NBPF14: variants seen among roughly 807,000 people sequenced by gnomAD.
NBPF14 encodes NBPF member 14, also known as NBPF family member NBPF14.
A neutral mutation model predicts 91.2 loss-of-function variants in NBPF14; 104 were observed. The observed-to-expected ratio is 1.14, with a 90% CI of 0.97 to 1.34. The LOEUF is 1.34. Among genes scored for constraint, NBPF14 ranks in the 40% most tolerant of loss-of-function variants. NBPF14 has a pLI of 0.00. For missense variants in NBPF14, 908 were observed against 783.0 expected (o/e 1.16, Z -1.91); for synonymous variants, 294 against 303.8 (o/e 0.97, Z 0.34).
intron 2 of NBPF14, among the ~76,000 whole-genome samples, chr1:148,593,999 G>A (rs1334545201): frequency 2.0e-5 from 3 of 148,906 alleles, no homozygotes; most frequent in African/African-American, 2.4e-5. Flanking sequence ...CTGAATGTGG[G>A]GCCACTTTCC....
intron 36 of NBPF14, among the ~76,000 whole-genome samples, chr1:148,560,255 T>C (rs1657579157): frequency 2.7e-5 from 4 of 148,102 alleles, no homozygotes; most frequent in African/African-American, 1.0e-4. Flanking sequence ...CAAAGGACAC[T>C]CTGAGTTAGT....
chr1:148,560,263 A>T (rs1657583312), intron 36 of NBPF14, among the ~76,000 whole-genome samples: 1 of 146,552 alleles, frequency 6.8e-6, no homozygotes, highest in African/African-American at 2.6e-5. Flanking sequence ...ACTCTGAGTT[A>T]GTGCCCTCAT....
chr1:148,534,547 T>C (rs1228862355), intron 69 of NBPF14, 137 bp downstream of exon 69: 7 of 714,304 alleles, frequency 9.8e-6, no homozygotes, highest in African/African-American at 5.3e-5. Context: ...ACAGTTTCAT[T>C]ACAACCTATA....
intron 34 of NBPF14, among the ~76,000 whole-genome samples, chr1:148,562,008 T>C (rs1376083904): frequency 1.3e-5 from 1 of 75,166 alleles, no homozygotes; most frequent in Admixed American, 1.3e-4. Context: ...ACCATGAGAA[T>C]ACAGTTTTTG....
exon 71 of NBPF14, chr1:148,533,215 A>T (rs1383683017): frequency 1.5e-6 from 1 of 686,228 alleles, no homozygotes; most frequent in East Asian, 2.8e-5. Flanking sequence ...GTAAGACTTC[A>T]CGCTCTTCCA....
chr1:148,569,140 G>C lies in NBPF14; in HGVS notation c.3265+115C>G, dbSNP rs1658866031. ...TTCACTCAACCTACATGTGCCTATA[G>C]TTCCTCCCTGTGGCAATGACACCTC... On this transcript the variant is annotated intron_variant, in intron 25 of 70. Coordinates refer to ENST00000619423, the Ensembl canonical transcript of NBPF14. The C allele has an allele frequency of 2.7e-5, 6 of 219,382 alleles. 2 individuals carry two copies. The highest frequency in any genetic ancestry group is 4.3e-5 in the South Asian group (1 of 23,132). The allele number at this position is 219,382 out of a possible 1,614,324, so 13.6% of individuals were successfully genotyped here.
chr1:148,592,666 G>T lies in NBPF14; in HGVS notation c.379C>A (p.Leu127Ile). The change falls in exon 4 of 71, where the codon CTC (leucine) becomes ATC (isoleucine). Residue 127 changes from leucine (L) to isoleucine (I), a missense_variant. Leu to Ile is a conservative substitution (Grantham distance 5). Around this residue, in one of 13 missense-constraint regions of NBPF14, gnomAD observed 61 missense variants for 56.4 expected, o/e 1.08. Coordinates refer to ENST00000619423, the Ensembl canonical transcript of NBPF14. ...TCATACGGAGTGAGGAGGGCCTGGAGATGCTCATACAATGAGCGGGAGGCA... is the reference window on the plus strand; with the variant it reads ...TCATACGGAGTGAGGAGGGCCTGGATATGCTCATACAATGAGCGGGAGGCA... 4 of 1,588,258 alleles carry T rather than the reference G, an allele frequency of 2.5e-6. No individual in the cohort carries two copies. In the South Asian group the frequency reaches 4.5e-5, roughly 18 times the overall value.
chr1:148,535,223 G>C (rs1184320908), intron 68 of NBPF14, among the ~76,000 whole-genome samples: 120 of 150,132 alleles, frequency 8.0e-4, no homozygotes, highest in African/African-American at 2.9e-3. Flanking sequence ...ATTCCATACA[G>C]TTGCCATACA....
chr1:148,559,597 A>G (rs1657299385), intron 37 of NBPF14, among the ~76,000 whole-genome samples, 196 bp downstream of exon 37: 1 of 124,166 alleles, frequency 8.1e-6, no homozygotes, highest in Non-Finnish European at 1.5e-5. Context: ...GAGACTAGGA[A>G]GAGAGCCTTG....
chr1:148,566,444 C>A (rs1159231393), intron 28 of NBPF14, 129 bp from the exon 29 acceptor site: 22 of 595,526 alleles, frequency 3.7e-5, no homozygotes, highest in East Asian at 1.5e-4. Flanking sequence ...AATGAGGTAA[C>A]AAATTGTTGC....
rs1421930396 is a variant in NBPF14, at chr1:148,578,882, T to C, written c.1801+192A>G. On this transcript the variant is annotated intron_variant, in intron 13 of 70. Coordinates refer to ENST00000619423, the Ensembl canonical transcript of NBPF14. ...GCATGGCCTGAGACTAGGAAGAGAGTAAAGCTCACTGACCCACCCCATGCC... is the reference window on the plus strand; with the variant it reads ...GCATGGCCTGAGACTAGGAAGAGAGCAAAGCTCACTGACCCACCCCATGCC... Among the ~76,000 whole-genome samples, 22 of 145,520 alleles carry C rather than the reference T, an allele frequency of 1.5e-4. 2 individuals are homozygous for C. The South Asian group carries it at 1.6e-3, about 10-fold the overall frequency.
chr1:148,577,905 A>T (rs1409942920), intron 14 of NBPF14, 78 bp downstream of exon 14: 1 of 634,984 alleles, frequency 1.6e-6, no homozygotes, highest in South Asian at 1.8e-5. Context: ...CATTATTTTC[A>T]GGATGTACTG....
intron 69 of NBPF14, among the ~76,000 whole-genome samples, chr1:148,534,264 C>A (rs1354204528): frequency 4.0e-5 from 6 of 151,656 alleles, no homozygotes; most frequent in African/African-American, 7.3e-5. Context: ...AAGCAAATAC[C>A]CTCAATGATT....
intron 69 of NBPF14, among the ~76,000 whole-genome samples, chr1:148,534,439 T>G (rs1255151009): frequency 6.6e-6 from 1 of 151,748 alleles, no homozygotes; most frequent in Non-Finnish European, 1.5e-5. Flanking sequence ...AGGTCCAATG[T>G]CATGAGAATA....
intron 36 of NBPF14, 120 bp from the exon 37 acceptor site, chr1:148,560,085 T>G: frequency 1.5e-6 from 1 of 678,126 alleles, no homozygotes; most frequent in Non-Finnish European, 2.7e-6. Flanking sequence ...GATCCATTAA[T>G]GAGGTAACAA....
At chr1:148,577,568 A>T (rs1660094436) in intron 14 of NBPF14, among the ~76,000 whole-genome samples, 1 of 150,782 alleles carries the variant, frequency 6.6e-6, no homozygotes, top group African/African-American at 2.5e-5. Context: ...ACACACACAC[A>T]CACACACACT....
At chr1:148,535,276 A>C (rs1304043586) in intron 68 of NBPF14, among the ~76,000 whole-genome samples, 177 bp downstream of exon 68, 3 of 150,300 alleles carry the variant, frequency 2.0e-5, no homozygotes, top group Non-Finnish European at 4.4e-5. Flanking sequence ...AGTAAATGAT[A>C]AGGGGAGGAA....
intron 16 of NBPF14, 130 bp downstream of exon 16, chr1:148,576,280 A>G (rs1366438297): frequency 1.5e-5 from 8 of 547,628 alleles, no homozygotes; most frequent in Admixed American, 2.6e-5. Flanking sequence ...AATGAAAACC[A>G]ACAGCAATGT....
exon 8 of NBPF14, chr1:148,587,374 A>G: frequency 6.3e-7 from 1 of 1,582,038 alleles, no homozygotes; most frequent in South Asian, 1.1e-5. Context: ...CTCAGCATAA[A>G]TTTTATGAGG....
Sources: gnomAD v4.1 joint callset for allele counts (sites outside exome capture counted in the v4.1 genomes callset) on GRCh38, gnomAD v4.1.1 for gene constraint, gnomAD v4.1.1 regional missense constraint, MANE v1.5 for transcripts, NCBI Gene and HGNC (gene_info 2026-07-23, HGNC 2026-07-21) for gene names.